The following HELZ variants were observed in gnomAD, a reference collection of about 807,000 sequenced individuals.
HELZ encodes helicase with zinc finger.
A neutral mutation model predicts 218.2 loss-of-function variants in HELZ; 23 were observed. That is an observed-to-expected ratio of 0.11 (90% CI 0.08 to 0.15). The LOEUF (loss-of-function observed/expected upper bound fraction) is 0.15. HELZ is among the 10% of genes least tolerant of loss of function. HELZ has a pLI of 1.00. For synonymous variants in HELZ, 814 were observed against 829.4 expected (o/e 0.98, Z 0.32); for missense variants, 1,813 against 2,353.7 (o/e 0.77, Z 4.75).
chr17:67,121,422 T>A lies in HELZ; in HGVS notation c.3631-810A>T, dbSNP rs144034083. Among the ~76,000 whole-genome samples the A allele has an allele frequency of 9.1e-4, 138 of 152,320 alleles. 1 individual carries two copies. The highest frequency in any genetic ancestry group is 3.2e-3 in the African/African-American group (134 of 41,584). ...TGCCAAGCTGTCTGGAAGAAATAAC[T>A]GCTAAAATCCAAAGTCTGAAGTCTA... On this transcript the variant is annotated intron_variant, in intron 26 of 32. Transcript: ENST00000358691.
At chr17:67,231,599 A>T (rs2041038586) in intron 3 of HELZ, among the ~76,000 whole-genome samples, 1 of 151,898 alleles carries the variant, frequency 6.6e-6, no homozygotes, top group Admixed American at 6.6e-5. Context: ...TCGGAAAAAA[A>T]AAAAAAAAAA....
chr17:67,155,151 T>C (rs755035627), intron 17 of HELZ, among the ~76,000 whole-genome samples: 24 of 152,124 alleles, frequency 1.6e-4, no homozygotes, highest in Non-Finnish European at 5.9e-5. Flanking sequence ...CAAAAGGATG[T>C]GCACCATCAA....
rs776308062 is a variant in HELZ at position 67,136,147 on chromosome 17, C to T, written c.3005G>A (p.Cys1002Tyr). The T allele has an allele frequency of 3.1e-6, 5 of 1,614,024 alleles. No homozygotes were observed. In the South Asian group the frequency reaches 3.3e-5, roughly 11 times the overall value. ...TTTAATTGGTGTCTGTTTATGTTTA[C>T]AAGTATGTCTTGTACGTACTGTGCT... ...FLSTVRTRHT[C>Y]KHKQTPIKKK... Residue 1002 changes from cysteine (C) to tyrosine (Y), a missense_variant, in exon 23 of 33, where the codon TGT (cysteine) becomes TAT (tyrosine). By Grantham distance (194) the Cys-to-Tyr change is radical. Transcript: ENST00000358691.
chr17:67,098,661 T>C (rs2036827165), intron 31 of HELZ, among the ~76,000 whole-genome samples: 1 of 152,028 alleles, frequency 6.6e-6, no homozygotes, highest in Non-Finnish European at 1.5e-5. Context: ...GGAGAATTGC[T>C]TGAACCTGGC....
chr17:67,202,479 A>G (rs1403976658), intron 6 of HELZ, among the ~76,000 whole-genome samples: 2 of 152,192 alleles, frequency 1.3e-5, no homozygotes, highest in Non-Finnish European at 2.9e-5. Flanking sequence ...CTCCAGCCTC[A>G]GCAATTCAGC....
chr17:67,132,497 C>T (rs7211284), intron 23 of HELZ, among the ~76,000 whole-genome samples: 14,608 of 152,152 alleles, frequency 0.096, 1,843 homozygotes, highest in African/African-American at 0.29. Context: ...CAATCTGACA[C>T]CTGTTTGAGT....
chr17:67,145,987 C>T (rs889710492), intron 20 of HELZ, 97 bp from the exon 21 acceptor site: 4 of 1,038,552 alleles, frequency 3.9e-6, no homozygotes, highest in African/African-American at 3.3e-5. Context: ...AATAATATTG[C>T]CTTATGTCCA....
intron 31 of HELZ, among the ~76,000 whole-genome samples, chr17:67,100,130 A>G (rs1292377722): frequency 1.3e-5 from 2 of 152,230 alleles, no homozygotes; most frequent in Non-Finnish European, 2.9e-5. Context: ...ATAATCTTCA[A>G]GATACATCTG....
intron 26 of HELZ, 76 bp from the exon 27 acceptor site, chr17:67,120,688 G>A (rs1472398673): frequency 4.2e-6 from 4 of 960,284 alleles, no homozygotes; most frequent in Non-Finnish European, 6.6e-6. Flanking sequence ...GCTGATTAGG[G>A]AAAAGCAAAC....
At chr17:67,178,947 C>A (rs2039532962) in intron 12 of HELZ, 21 bp from the exon 13 acceptor site, 10 of 1,522,054 alleles carry the variant, frequency 6.6e-6, no homozygotes, top group Non-Finnish European at 8.9e-6. Context: ...ACAAAAAACA[C>A]ATTTATAAAG....
At position 67,193,904 on chromosome 17, in the gene HELZ, G is replaced by A. The variant is rs2039961368; in HGVS notation, c.557+63C>T. The A allele has an allele frequency of 6.4e-6, 8 of 1,241,484 alleles. No homozygotes were observed. In the East Asian group the frequency reaches 1.9e-4, roughly 29 times the overall value. 76.9% of individuals were successfully genotyped at this position (1,241,484 alleles called of 1,614,324 possible). A position where few individuals can be genotyped will look rare whatever the true frequency, so the allele number is the denominator to read the frequency against. ...TAAACCATTTTACTCCATTAGATAA[G>A]GAAAATTATCTGTCCTTTCAACAAG... On this transcript the variant is annotated intron_variant, in intron 9 of 32. Coordinates refer to ENST00000358691, the MANE Select transcript of HELZ (RefSeq NM_014877.4).
intron 3 of HELZ, among the ~76,000 whole-genome samples, chr17:67,226,495 A>G (rs1567909097): frequency 6.6e-6 from 1 of 152,200 alleles, no homozygotes. Context: ...AAAAATATTG[A>G]TAACACCAAG....
intron 3 of HELZ, among the ~76,000 whole-genome samples, chr17:67,238,404 G>A (rs2041241447): frequency 6.6e-6 from 1 of 151,162 alleles, no homozygotes; most frequent in Non-Finnish European, 1.5e-5. Flanking sequence ...ATTTTAGGTC[G>A]GGTGCGGTGG....
intron 20 of HELZ, 52 bp from the exon 21 acceptor site, chr17:67,145,942 T>C: frequency 4.6e-6 from 7 of 1,527,516 alleles, no homozygotes; most frequent in Non-Finnish European, 5.3e-6. Context: ...TCAAAATTAA[T>C]TTCACCCATA....
intron 27 of HELZ, among the ~76,000 whole-genome samples, chr17:67,117,869 C>A (rs2037477021): frequency 6.6e-6 from 1 of 150,734 alleles, no homozygotes; most frequent in African/African-American, 2.4e-5. Flanking sequence ...TTTTTTAATG[C>A]TGAAAAAAAA....
At position 67,078,355 on chromosome 17, in the gene HELZ, G is replaced by C. The variant is rs1475667270; in HGVS notation, c.5726C>G (p.Pro1909Arg). Residue 1909 changes from proline (P) to arginine (R), a missense_variant, in exon 33 of 33, where the codon CCT becomes CGT. By Grantham distance (103) the Pro-to-Arg change is moderately radical. This residue lies in a region of HELZ where 938 missense variants were observed against 1,027.5 expected (regional missense o/e 0.91). Transcript: ENST00000358691. ...ALRAPPKPRP[P>R]PEQAKKSSDP... ...GCTACTCTTCTTGGCCTGCTCAGGA[G>C]GGGGCCTGGGCTTTGGAGGGGCCCG... 2.5e-6 allele frequency: 4 copies of C among 1,613,692 alleles called. No homozygotes were observed. The highest frequency in any genetic ancestry group is 1.7e-6 in the Non-Finnish European group (2 of 1,179,838).
chr17:67,224,158 G>C (rs1275535563), intron 3 of HELZ: 1 of 153,450 alleles, frequency 6.5e-6, no homozygotes, highest in African/African-American at 2.4e-5. Context: ...ATTGGCTCAG[G>C]GTAGGCCATA....
intron 3 of HELZ, among the ~76,000 whole-genome samples, chr17:67,238,005 A>C: frequency 6.8e-6 from 1 of 147,872 alleles, no homozygotes; most frequent in Non-Finnish European, 1.5e-5. Flanking sequence ...AAAAAAAAAA[A>C]GACCTGAAGC....
At chr17:67,088,455 G>A (rs927902051) in intron 31 of HELZ, among the ~76,000 whole-genome samples, 4 of 152,220 alleles carry the variant, frequency 2.6e-5, no homozygotes, top group African/African-American at 9.6e-5. Context: ...CCAATTAAAT[G>A]TGAAAATTGT....
Sources: gnomAD v4.1 joint callset for allele counts (sites outside exome capture counted in the v4.1 genomes callset) on GRCh38, gnomAD v4.1.1 for gene constraint, gnomAD v4.1.1 regional missense constraint, MANE v1.5 for transcripts, NCBI Gene and HGNC (gene_info 2026-07-23, HGNC 2026-07-21) for gene names.